HERC1: variants seen among roughly 807,000 people sequenced by gnomAD.
The protein encoded by HERC1 is HECT and RLD domain containing E3 ubiquitin protein ligase family member 1.
HERC1 carries 160 observed loss-of-function variants against 554.3 expected under a neutral mutation model. The observed-to-expected ratio is 0.29, with a 90% CI of 0.25 to 0.33. The LOEUF (loss-of-function observed/expected upper bound fraction) is 0.33. HERC1 is among the 10% of genes least tolerant of loss of function. The probability of loss-of-function intolerance (pLI) is 1.00; values close to 1 mark genes in which losing one functional copy is unlikely to be tolerated. For synonymous variants in HERC1, 2,175 were observed against 2,131.7 expected (o/e 1.02, Z -0.56); for missense variants, 4,919 against 5,918.5 (o/e 0.83, Z 5.54).
At chr15:63,738,978 T>C (rs1268242371) in intron 12 of HERC1, among the ~76,000 whole-genome samples, 1 of 47,534 alleles carries the variant, frequency 2.1e-5, no homozygotes, top group Non-Finnish European at 6.0e-5. Flanking sequence ...GAAAAGTCAG[T>C]TTATTTTTTT....
intron 3 of HERC1, among the ~76,000 whole-genome samples, chr15:63,763,592 T>A (rs965047169): frequency 6.6e-6 from 1 of 151,242 alleles, no homozygotes; most frequent in East Asian, 1.9e-4. Flanking sequence ...TTTTTTTTTT[T>A]AATGGGCAAG....
chr15:63,648,498 C>T (rs891620677), intron 54 of HERC1, among the ~76,000 whole-genome samples: 12 of 152,176 alleles, frequency 7.9e-5, no homozygotes, highest in African/African-American at 2.7e-4. Context: ...TGTAAGTCAC[C>T]ATAGGTTCTT....
At chr15:63,701,113 TA>T (rs1386196506) in intron 25 of HERC1, among the ~76,000 whole-genome samples, 1 of 152,010 alleles carries the variant, frequency 6.6e-6, no homozygotes, top group Non-Finnish European at 1.5e-5. Flanking sequence ...AAAATGAATA[TA>T]AAATGCGCAA....
chr15:63,617,453 G>A (rs2067871540), intron 74 of HERC1, among the ~76,000 whole-genome samples: 1 of 152,136 alleles, frequency 6.6e-6, no homozygotes, highest in Non-Finnish European at 1.5e-5. Flanking sequence ...ATTATGAATA[G>A]TGCCGCAATA....
intron 1 of HERC1, among the ~76,000 whole-genome samples, chr15:63,821,726 C>CA (rs35074987): frequency 0.15 from 9,275 of 62,290 alleles, 671 homozygotes; most frequent in Non-Finnish European, 0.17. Context: ...TACCCTGTCT[C>CA]AAAAAAAAAA....
intron 2 of HERC1, among the ~76,000 whole-genome samples, chr15:63,767,007 GT>G (rs556722173): frequency 3.7e-4 from 45 of 120,454 alleles, no homozygotes; most frequent in Admixed American, 4.1e-4. Context: ...TTTTTCATTT[GT>G]TTTTTTTTTT....
At chr15:63,829,539 ATGTATGTG>A (rs1380860063) in intron 1 of HERC1, among the ~76,000 whole-genome samples, 109 of 64,624 alleles carry the variant, frequency 1.7e-3, no homozygotes, top group Middle Eastern at 0.014. Flanking sequence ...GTGCACATAT[ATGTATGTG>A]TGTGTGTGTG....
At chr15:63,832,597 T>C (rs920341038) in intron 1 of HERC1, among the ~76,000 whole-genome samples, 1 of 152,152 alleles carries the variant, frequency 6.6e-6, no homozygotes, top group African/African-American at 2.4e-5. Flanking sequence ...AAATATAATA[T>C]ATACATAGGT....
chr15:63,688,894 G>A (rs1444812166), intron 33 of HERC1, among the ~76,000 whole-genome samples: 2 of 152,150 alleles, frequency 1.3e-5, no homozygotes, highest in African/African-American at 4.8e-5. Context: ...GCTGGGGGAA[G>A]GGTTTGAGGG....
At chr15:63,739,195 CTT>C (rs1205943240) in intron 12 of HERC1, among the ~76,000 whole-genome samples, 18 of 102,246 alleles carry the variant, frequency 1.8e-4, no homozygotes, top group African/African-American at 4.7e-4. Context: ...CACTAATATA[CTT>C]TTTTTTTTTT....
chr15:63,765,180 G>A (rs549185317), intron 2 of HERC1, among the ~76,000 whole-genome samples: 8 of 152,300 alleles, frequency 5.3e-5, no homozygotes, highest in South Asian at 4.1e-4. Context: ...CTGAGCGCCA[G>A]AGAAATACAT....
chr15:63,676,057 C>T (rs2071187429), intron 37 of HERC1, among the ~76,000 whole-genome samples: 2 of 152,228 alleles, frequency 1.3e-5, no homozygotes, highest in African/African-American at 2.4e-5. Flanking sequence ...GCGCACGCCA[C>T]TACGGCTGGC....
chr15:63,788,193 C>T (rs2076518453), intron 1 of HERC1, among the ~76,000 whole-genome samples: 1 of 152,048 alleles, frequency 6.6e-6, no homozygotes, highest in South Asian at 2.1e-4. Context: ...ATTCTATAAT[C>T]CAGTACAAGT....
At chr15:63,660,605 T>A (rs1209589224) in intron 46 of HERC1, among the ~76,000 whole-genome samples, 1 of 152,184 alleles carries the variant, frequency 6.6e-6, no homozygotes, top group African/African-American at 2.4e-5. Context: ...CATTAGGGAA[T>A]GAGTTATTTC....
chr15:63,788,371 A>G (rs949271626), intron 1 of HERC1, among the ~76,000 whole-genome samples: 13 of 152,234 alleles, frequency 8.5e-5, no homozygotes, highest in Non-Finnish European at 1.6e-4. Flanking sequence ...ATAAATCAGT[A>G]ATGAGATTTA....
intron 3 of HERC1, among the ~76,000 whole-genome samples, chr15:63,762,362 T>C (rs1486785782): frequency 6.6e-6 from 1 of 152,196 alleles, no homozygotes; most frequent in Non-Finnish European, 1.5e-5. Flanking sequence ...TTGGTCTTAT[T>C]GCTCAGGCTG....
intron 1 of HERC1, among the ~76,000 whole-genome samples, chr15:63,826,079 A>T (rs1012358717): frequency 9.9e-5 from 15 of 152,128 alleles, no homozygotes; most frequent in African/African-American, 2.7e-4. Context: ...ATAATTTCTT[A>T]AAAAGAAAAC....
At chr15:63,817,669 C>T (rs142231491) in intron 1 of HERC1, among the ~76,000 whole-genome samples, 2 of 152,096 alleles carry the variant, frequency 1.3e-5, no homozygotes, top group East Asian at 1.9e-4. Flanking sequence ...CAGCCAAGTT[C>T]GCGCCACTAC....
rs2067788093 is a variant in HERC1 at position 63,615,757 on chromosome 15, T to C, written c.14094+11A>G. On this transcript the variant is annotated intron_variant, in intron 76 of 77. Transcript: ENST00000443617. ...GCATTCATGTGTACCTCCCGAGATG[T>C]TTCATCTCACCTGTCTGTCCATCTC... 6.4e-7 allele frequency: 1 copy of C among 1,570,092 alleles called. No individual in the cohort carries two copies. Among genetic ancestry groups the C allele is most frequent in the Non-Finnish European group, 8.6e-7 (1 of 1,162,140 alleles).
Sources: allele counts gnomAD v4.1 joint callset (sites outside exome capture counted in the v4.1 genomes callset), GRCh38; gene constraint gnomAD v4.1.1; transcripts MANE v1.5; gene names NCBI Gene and HGNC (gene_info 2026-07-23, HGNC 2026-07-21).